The following RBFOX1 variants were observed in gnomAD, a reference collection of about 807,000 sequenced individuals.
The protein encoded by RBFOX1 is RNA binding fox-1 homolog 1.
In RBFOX1, 8 loss-of-function variants were observed where a neutral mutation model predicts 57.7. The ratio of observed to expected loss-of-function variants is 0.14; its 90% CI spans 0.08 to 0.25. The LOEUF is 0.25. Among genes scored for constraint, RBFOX1 ranks in the 10% least tolerant of loss-of-function variants. The pLI is 1.00. For missense variants in RBFOX1, 611 were observed against 548.5 expected (o/e 1.11, Z -1.14); for synonymous variants, 326 against 222.4 (o/e 1.47, Z -4.15).
At chr16:7,622,078 G>A (rs1275285462) in intron 10 of RBFOX1, among the ~76,000 whole-genome samples, 1 of 152,072 alleles carries the variant, frequency 6.6e-6, no homozygotes, top group African/African-American at 2.4e-5. Context: ...ACAAAAATAG[G>A]TGGGGGCTCG....
chr16:6,821,786 G>T (rs892547173), intron 3 of RBFOX1, among the ~76,000 whole-genome samples: 1 of 152,098 alleles, frequency 6.6e-6, no homozygotes, highest in African/African-American at 2.4e-5. Flanking sequence ...TAGACATTTG[G>T]GTTGTTTCCA....
intron 2 of RBFOX1, among the ~76,000 whole-genome samples, chr16:6,470,505 A>T (rs142275796): frequency 6.6e-6 from 1 of 152,282 alleles, no homozygotes; most frequent in East Asian, 1.9e-4. Flanking sequence ...CAGTCTTTCT[A>T]TTCTTCCAAG....
intron 1 of RBFOX1, among the ~76,000 whole-genome samples, chr16:5,305,435 TG>T (rs35073117): frequency 6.6e-6 from 1 of 152,066 alleles, no homozygotes; most frequent in Non-Finnish European, 1.5e-5. Context: ...CAGGAAATGA[TG>T]GGGGGCTGTT....
At chr16:6,842,988 A>G (rs1306130918) in intron 3 of RBFOX1, among the ~76,000 whole-genome samples, 2 of 152,134 alleles carry the variant, frequency 1.3e-5, no homozygotes, top group Non-Finnish European at 2.9e-5. Flanking sequence ...ATGTCCTTGC[A>G]AAGGATATGA....
intron 4 of RBFOX1, among the ~76,000 whole-genome samples, chr16:5,888,661 G>A (rs1242703358): frequency 2.0e-5 from 3 of 152,066 alleles, no homozygotes; most frequent in African/African-American, 7.2e-5. Flanking sequence ...AGGGTGTGGT[G>A]GCACATGCCT....
chr16:5,664,831 T>G (rs1462877839), intron 3 of RBFOX1, among the ~76,000 whole-genome samples: 1 of 152,168 alleles, frequency 6.6e-6, no homozygotes, highest in Non-Finnish European at 1.5e-5. Flanking sequence ...GGCTTCTCAT[T>G]GTTCTCAGAA....
intron 3 of RBFOX1, among the ~76,000 whole-genome samples, chr16:6,657,285 GTT>G (rs1035020031): frequency 6.6e-6 from 1 of 151,410 alleles, no homozygotes; most frequent in Non-Finnish European, 1.5e-5. Context: ...TCACGCTATA[GTT>G]TCTCTGTTTC....
chr16:6,680,079 A>C (rs1363865540), intron 3 of RBFOX1, among the ~76,000 whole-genome samples: 1 of 151,812 alleles, frequency 6.6e-6, no homozygotes, highest in South Asian at 2.1e-4. Context: ...ATCTGAAGAG[A>C]TTGGCAACTT....
intron 3 of RBFOX1, among the ~76,000 whole-genome samples, chr16:5,611,014 C>T (rs62016927): frequency 0.1 from 15,810 of 152,262 alleles, 1,284 homozygotes; most frequent in East Asian, 0.39. Flanking sequence ...TACGATGTGG[C>T]CTCTGTGTCT....
chr16:7,090,978 T>A (rs2060747711), intron 4 of RBFOX1, among the ~76,000 whole-genome samples: 1 of 152,164 alleles, frequency 6.6e-6, no homozygotes, highest in African/African-American at 2.4e-5. Context: ...GAGCTGTTTC[T>A]CCTAGGGCTG....
intron 3 of RBFOX1, among the ~76,000 whole-genome samples, chr16:5,773,598 T>G (rs982364205): frequency 6.6e-6 from 1 of 152,234 alleles, no homozygotes; most frequent in Non-Finnish European, 1.5e-5. Context: ...AGTGTAACAG[T>G]GAACATTTTT....
chr16:5,582,717 C>T (rs185858229), intron 2 of RBFOX1, among the ~76,000 whole-genome samples: 49 of 152,114 alleles, frequency 3.2e-4, no homozygotes, highest in African/African-American at 1.1e-3. Context: ...CACCCACGCT[C>T]GGCTAATCAA....
intron 4 of RBFOX1, among the ~76,000 whole-genome samples, chr16:7,225,310 T>C (rs1189364829): frequency 6.6e-6 from 1 of 152,118 alleles, no homozygotes; most frequent in Non-Finnish European, 1.5e-5. Context: ...TGATGGGAGA[T>C]AGCCGAATCA....
At chr16:5,933,066 GCAGA>G (rs1351344394) in intron 4 of RBFOX1, among the ~76,000 whole-genome samples, 1 of 152,212 alleles carries the variant, frequency 6.6e-6, no homozygotes, top group African/African-American at 2.4e-5. Flanking sequence ...TTAGGTGGGG[GCAGA>G]CAAACAGCTC....
intron 1 of RBFOX1, among the ~76,000 whole-genome samples, chr16:6,315,201 G>C (rs73523292): frequency 6.6e-6 from 1 of 152,368 alleles, no homozygotes; most frequent in Non-Finnish European, 1.5e-5. Context: ...ACAAAGAAAG[G>C]TTGAGTGACT....
intron 1 of RBFOX1, among the ~76,000 whole-genome samples, chr16:6,249,554 C>G (rs1465638777): frequency 2.0e-5 from 3 of 151,860 alleles, no homozygotes; most frequent in African/African-American, 7.3e-5. Context: ...AAACAAAAAC[C>G]AGAGGAGAGA....
At chr16:6,812,780 A>G (rs2089056589) in intron 3 of RBFOX1, among the ~76,000 whole-genome samples, 1 of 152,100 alleles carries the variant, frequency 6.6e-6, no homozygotes, top group Non-Finnish European at 1.5e-5. Flanking sequence ...CATAAGCGGC[A>G]TTTTCCTTGT....
At chr16:6,220,583 T>G (rs1445041211) in intron 1 of RBFOX1, among the ~76,000 whole-genome samples, 1 of 152,212 alleles carries the variant, frequency 6.6e-6, no homozygotes, top group East Asian at 1.9e-4. Context: ...CACAGTGAAA[T>G]TTCTGAAAAG....
intron 1 of RBFOX1, among the ~76,000 whole-genome samples, chr16:5,309,621 C>T (rs1249419587): frequency 2.6e-5 from 4 of 152,116 alleles, no homozygotes; most frequent in African/African-American, 9.7e-5. Flanking sequence ...GAATAGTGTA[C>T]ATTGTACCTG....
Sources: allele counts gnomAD v4.1 joint callset (sites outside exome capture counted in the v4.1 genomes callset), GRCh38; gene constraint gnomAD v4.1.1; transcripts MANE v1.5; gene names NCBI Gene and HGNC (gene_info 2026-07-23, HGNC 2026-07-21).